The following NDFIP2 variants were observed in gnomAD, a reference collection of about 807,000 sequenced individuals.
NDFIP2 encodes the protein Nedd4 family interacting protein 2.
NDFIP2 carries 19 observed loss-of-function variants against 36.0 expected under a neutral mutation model. That is an observed-to-expected ratio of 0.53 (90% CI 0.37 to 0.77). NDFIP2 has a LOEUF of 0.77. Among genes scored for constraint, NDFIP2 ranks in the 30% least tolerant of loss-of-function variants. The pLI, the probability that NDFIP2 is intolerant of heterozygous loss-of-function variation, is 0.00. For missense variants in NDFIP2, 446 were observed against 435.8 expected, an observed-to-expected ratio of 1.02 and a Z score of -0.21; for synonymous variants, 181 against 167.7, an observed-to-expected ratio of 1.08 and a Z score of -0.61.
intron 4 of NDFIP2, among the ~76,000 whole-genome samples, chr13:79,540,574 T>G (rs1875415496): frequency 6.6e-6 from 1 of 152,190 alleles, no homozygotes; most frequent in Admixed American, 6.5e-5. Context: ...GAATGCTGAT[T>G]TAATTCAATT....
chr13:79,484,398 G>C (rs1484919063), intron 1 of NDFIP2, among the ~76,000 whole-genome samples: 1 of 152,156 alleles, frequency 6.6e-6, no homozygotes, highest in Non-Finnish European at 1.5e-5. Context: ...TTCTTATTCT[G>C]TGTACAAGTT....
intron 1 of NDFIP2, among the ~76,000 whole-genome samples, chr13:79,493,047 T>TA (rs1389308154): frequency 6.6e-6 from 1 of 152,180 alleles, no homozygotes; most frequent in Non-Finnish European, 1.5e-5. Context: ...TGTGTGCACT[T>TA]ATCCTTGTTA....
chr13:79,543,560 G>T lies in NDFIP2; in HGVS notation c.718G>T (p.Ala240Ser), dbSNP rs1363832321. ...AGAACGGTTTCTGTTGCTTTTAGTG[G>T]CATTTATTTTCAACTGGCTTGGATT... ...DGIFMLAFFM[A>S]FIFNWLGFCL... is the part of the protein sequence containing the mutation. Residue 240 changes from alanine (A) to serine (S), a missense_variant and splice_region_variant, in exon 5 of 8, where the codon GCA (alanine) becomes TCA (serine). This residue lies in a region of NDFIP2 where 77 missense variants were observed against 131.0 expected (regional missense o/e 0.59). Coordinates refer to ENST00000218652, the MANE Select transcript of NDFIP2 (RefSeq NM_019080.3). 14 of 1,613,478 alleles carry T rather than the reference G, an allele frequency of 8.7e-6. No homozygotes were observed. Among genetic ancestry groups the T allele is most frequent in the Non-Finnish European group, 1.2e-5 (14 of 1,179,754 alleles).
chr13:79,553,761 A>G lies in NDFIP2; in HGVS notation c.*1248A>G, dbSNP rs1310276557. ...CACTATTATAACTGGAATTTAATTT[A>G]CATTCATAAACTACTATATTTCCCA... On this transcript the variant is annotated 3_prime_UTR_variant, in exon 8 of 8. Coordinates refer to ENST00000218652, the MANE Select transcript of NDFIP2 (RefSeq NM_019080.3). The G allele has an allele frequency of 6.6e-6, 1 of 151,992 alleles. No homozygotes were observed. The highest frequency in any genetic ancestry group is 2.4e-5 in the African/African-American group (1 of 41,412). The allele number at this position is 151,992 out of a possible 1,614,324, so 9.4% of individuals were successfully genotyped here. A position where few individuals can be genotyped will look rare whatever the true frequency, so the allele number is the denominator to read the frequency against.
At chr13:79,546,839 C>G (rs756292273) in intron 5 of NDFIP2, among the ~76,000 whole-genome samples, 3 of 152,090 alleles carry the variant, frequency 2.0e-5, no homozygotes, top group Non-Finnish European at 4.4e-5. Flanking sequence ...TTTGTTCTTA[C>G]AGCCTTTAAG....
rs1402584978 is a variant in NDFIP2 at position 79,505,110 on chromosome 13, C to T, written c.322-15700C>T. Among the ~76,000 whole-genome samples, 4 of 152,300 alleles carry T rather than the reference C, an allele frequency of 2.6e-5. No homozygotes were observed. In the East Asian group the frequency reaches 7.7e-4, roughly 29 times the overall value. ...ATTTGGGTTGAAGAAGCACTGTTTACACTTACACATGGGGCATCAGTGGGA... is the reference window on the plus strand; with the variant it reads ...ATTTGGGTTGAAGAAGCACTGTTTATACTTACACATGGGGCATCAGTGGGA... On this transcript the variant is annotated intron_variant, in intron 1 of 7. Coordinates refer to ENST00000218652, the MANE Select transcript of NDFIP2 (RefSeq NM_019080.3).
chr13:79,521,071 T>C (rs1458166677), intron 2 of NDFIP2, 96 bp downstream of exon 2: 3 of 994,062 alleles, frequency 3.0e-6, no homozygotes, highest in Non-Finnish European at 4.4e-6. Flanking sequence ...CTTATAAACA[T>C]ATATACACAT....
Position 79,543,170 on chromosome 13 carries a change from C to G in NDFIP2, c.716-388C>G, listed in dbSNP as rs572408606. ...GGGATTACAGGCATGAGCCACTGTGCCTGGCCTGCTTTACCTTTTTTAAAA... is the reference window on the plus strand; with the variant it reads ...GGGATTACAGGCATGAGCCACTGTGGCTGGCCTGCTTTACCTTTTTTAAAA... On this transcript the variant is annotated intron_variant, in intron 4 of 7. Coordinates refer to ENST00000218652, the MANE Select transcript of NDFIP2 (RefSeq NM_019080.3). Among the ~76,000 whole-genome samples, 30 of 152,368 alleles carry G rather than the reference C, an allele frequency of 2.0e-4. 1 individual carries two copies. In the East Asian group the frequency reaches 5.6e-3, roughly 28 times the overall value.
chr13:79,518,794 T>A (rs565363003), intron 1 of NDFIP2, among the ~76,000 whole-genome samples: 1 of 152,162 alleles, frequency 6.6e-6, no homozygotes, highest in South Asian at 2.1e-4. Context: ...TACATGCTGA[T>A]CTTTCTTTTT....
chr13:79,495,928 T>A (rs1873418063), intron 1 of NDFIP2, among the ~76,000 whole-genome samples: 1 of 151,850 alleles, frequency 6.6e-6, no homozygotes, highest in Non-Finnish European at 1.5e-5. Flanking sequence ...TTGTATCACT[T>A]CATAAAAAAT....
chr13:79,481,318 G>C lies in NDFIP2; in HGVS notation c.115G>C (p.Ala39Pro). Reference protein sequence around the residue: ...GTATNAEVSAAAAGATGSEEL... With the variant: ...GTATNAEVSAPAAGATGSEEL... ...CGCGACCAACGCGGAGGTCTCGGCG[G>C]CCGCTGCGGGAGCCACAGGAAGTGA... The change falls in exon 1 of 8, where the codon GCC (alanine) becomes CCC (proline). Residue 39 changes from alanine to proline, a missense_variant. By Grantham distance (27) the Ala-to-Pro change is conservative. Around this residue, in one of 2 missense-constraint regions of NDFIP2, gnomAD observed 369 missense variants for 304.8 expected, o/e 1.21. Coordinates refer to ENST00000218652, the MANE Select transcript of NDFIP2 (RefSeq NM_019080.3). 1 of 1,543,292 alleles carries C rather than the reference G, an allele frequency of 6.5e-7. No homozygotes were observed. Among genetic ancestry groups the C allele is most frequent in the Non-Finnish European group, 8.7e-7 (1 of 1,146,646 alleles).
chr13:79,530,824 C>A (rs1414865821), intron 2 of NDFIP2, among the ~76,000 whole-genome samples: 1 of 152,234 alleles, frequency 6.6e-6, no homozygotes, highest in African/African-American at 2.4e-5. Flanking sequence ...ACTTTCTCCA[C>A]TGAAGTCTTA....
chr13:79,536,917 A>G (rs985372579), intron 3 of NDFIP2, among the ~76,000 whole-genome samples: 1 of 151,990 alleles, frequency 6.6e-6, no homozygotes, highest in African/African-American at 2.4e-5. Context: ...AGTTCCAGCA[A>G]CTTGGAAGGC....
intron 1 of NDFIP2, among the ~76,000 whole-genome samples, chr13:79,510,517 T>G (rs1874045552): frequency 1.3e-5 from 2 of 152,016 alleles, no homozygotes; most frequent in Non-Finnish European, 2.9e-5. Context: ...GAGTAAAAAT[T>G]TATGAAGATA....
intron 1 of NDFIP2, among the ~76,000 whole-genome samples, chr13:79,485,461 G>C (rs146999440): frequency 1.5e-3 from 234 of 152,262 alleles, no homozygotes; most frequent in African/African-American, 3.8e-3. Flanking sequence ...TGTATAATGA[G>C]TTTTAGTTAT....
At position 79,507,279 on chromosome 13, in the gene NDFIP2, T is replaced by G. The variant is rs200893486; in HGVS notation, c.322-13531T>G. ...TTGTTCTGATTGAGTTTTTTTTTTT[T>G]TTTTTTTTTTTTGAGACGGAGTCTC... On this transcript the variant is annotated intron_variant, in intron 1 of 7. Transcript: ENST00000218652. Among the ~76,000 whole-genome samples the G allele has an allele frequency of 5.5e-3, 100 of 18,318 alleles. 4 individuals carry two copies. Among genetic ancestry groups the G allele is most frequent in the Middle Eastern group, 0.033 (1 of 30 alleles). The allele number at this position is 18,318 out of a possible 152,430, so 12.0% of individuals were successfully genotyped here.
At chr13:79,482,967 TATC>T (rs2079824070) in intron 1 of NDFIP2, among the ~76,000 whole-genome samples, 1 of 152,226 alleles carries the variant, frequency 6.6e-6, no homozygotes, top group African/African-American at 2.4e-5. Flanking sequence ...TATTGAATAA[TATC>T]AGCAGTGAAA....
intron 1 of NDFIP2, among the ~76,000 whole-genome samples, chr13:79,489,636 A>T (rs149105723): frequency 1.8e-4 from 28 of 152,322 alleles, no homozygotes; most frequent in African/African-American, 6.7e-4. Flanking sequence ...AAGTTGTGAC[A>T]GTCACGCAGA....
intron 3 of NDFIP2, among the ~76,000 whole-genome samples, chr13:79,537,769 T>C (rs1220667343): frequency 6.6e-6 from 1 of 152,204 alleles, no homozygotes; most frequent in Non-Finnish European, 1.5e-5. Flanking sequence ...TATGTGATAT[T>C]GAGCAGAGCC....
Sources: allele counts gnomAD v4.1 joint callset (sites outside exome capture counted in the v4.1 genomes callset), GRCh38; gene constraint gnomAD v4.1.1; regional missense constraint gnomAD v4.1.1; transcripts MANE v1.5; gene names NCBI Gene and HGNC (gene_info 2026-07-23, HGNC 2026-07-21).